Variants in ANKS6 observed in about 807,000 individuals in gnomAD.
ANKS6 encodes the protein ankyrin repeat and sterile alpha motif domain containing 6.
Under a neutral mutation model 77.9 loss-of-function variants are expected in ANKS6, and 47 were observed. The observed-to-expected ratio is 0.60, with a 90% CI of 0.48 to 0.77. The LOEUF (loss-of-function observed/expected upper bound fraction) is 0.77. Among genes scored for constraint, ANKS6 ranks in the 30% least tolerant of loss-of-function variants. The pLI is 0.00. For missense variants in ANKS6, 1,150 were observed against 1,159.1 expected, an observed-to-expected ratio of 0.99 and a Z score of 0.11; for synonymous variants, 488 against 501.7, an observed-to-expected ratio of 0.97 and a Z score of 0.37.
chr9:98,733,787 C>A lies in ANKS6; in HGVS notation c.*2732G>T. ...TAGCTCGCTTTAGTGTCTGCCAAAC[C>A]TACTCAACCAGGGAACCTCACCCCA... On this transcript the variant is annotated 3_prime_UTR_variant, in exon 15 of 15. Transcript: ENST00000353234. 4 of 985,434 alleles carry A rather than the reference C, an allele frequency of 4.1e-6. No individual in the cohort carries two copies. Among genetic ancestry groups the A allele is most frequent in the African/African-American group, 3.5e-5 (2 of 57,328 alleles). The allele number at this position is 985,434 out of a possible 1,614,324, so 61.0% of individuals were successfully genotyped here.
intron 11 of ANKS6, among the ~76,000 whole-genome samples, chr9:98,757,163 T>C (rs1832758487): frequency 6.6e-6 from 1 of 152,250 alleles, no homozygotes; most frequent in Non-Finnish European, 1.5e-5. Flanking sequence ...CACAGCTTCC[T>C]GATATTAATA....
intron 1 of ANKS6, among the ~76,000 whole-genome samples, chr9:98,794,475 C>A (rs1835071629): frequency 6.6e-6 from 1 of 152,196 alleles, no homozygotes; most frequent in South Asian, 2.1e-4. Context: ...ATATACTACT[C>A]CTCAACTTGA....
At position 98,790,531 on chromosome 9, in the gene ANKS6, G is replaced by A; in HGVS notation, c.435C>T (p.Ala145=). 6.2e-7 allele frequency: 1 copy of A among 1,613,462 alleles called. No homozygotes were observed. The part of the protein sequence containing the change: ...ADVNAQNRLG[A]SVLTVASRGG... ...CCCGAGAAGCCACAGTGAGCACACT[G>A]GCCCCCAGCCGGTTCTGGGCATTGA... is the stretch of plus-strand genomic sequence containing the variant. Residue 145 remains alanine, a synonymous_variant, in exon 2 of 15, where the codon GCC becomes GCT. Transcript: ENST00000353234.
intron 11 of ANKS6, among the ~76,000 whole-genome samples, chr9:98,760,096 T>G (rs1348165795): frequency 6.6e-6 from 1 of 152,156 alleles, no homozygotes; most frequent in Non-Finnish European, 1.5e-5. Context: ...CCTAAATATG[T>G]ACAATTATTA....
Position 98,735,650 on chromosome 9 carries a change from A to T in ANKS6, c.*869T>A, listed in dbSNP as rs1474888209. 4.1e-6 allele frequency: 5 copies of T among 1,231,652 alleles called. No individual in the cohort carries two copies. In the African/African-American group the frequency reaches 7.8e-5, roughly 19 times the overall value. The allele number at this position is 1,231,652 out of a possible 1,614,324, so 76.3% of individuals were successfully genotyped here. A position where few individuals can be genotyped will look rare whatever the true frequency, so the allele number is the denominator to read the frequency against. ...AAGCCCTGCAGTGATACAGGTGAGC[A>T]CTGTGGAGTACCAGAGCATCATCTG... is the stretch of plus-strand genomic sequence containing the variant. On this transcript the variant is annotated 3_prime_UTR_variant, in exon 15 of 15. Coordinates refer to ENST00000353234, the MANE Select transcript of ANKS6 (RefSeq NM_173551.5).
At chr9:98,771,902 AGT>A (rs1221067432) in intron 9 of ANKS6, among the ~76,000 whole-genome samples, 15 of 152,002 alleles carry the variant, frequency 9.9e-5, no homozygotes, top group Admixed American at 9.8e-4. Context: ...ATGGCTTGTG[AGT>A]GTACATTTAC....
intron 8 of ANKS6, among the ~76,000 whole-genome samples, chr9:98,777,065 C>T (rs1032211232): frequency 5.9e-5 from 9 of 152,232 alleles, no homozygotes; most frequent in Non-Finnish European, 1.3e-4. Context: ...ACATAGCCTC[C>T]TCTTTGACTC....
At chr9:98,781,516 T>A (rs533343225) in intron 5 of ANKS6, among the ~76,000 whole-genome samples, 1 of 152,206 alleles carries the variant, frequency 6.6e-6, no homozygotes, top group Non-Finnish European at 1.5e-5. Flanking sequence ...TCCAACCCTC[T>A]GGCTGGGACA....
intron 13 of ANKS6, chr9:98,746,200 G>A (rs78497728): frequency 6.5e-6 from 1 of 153,368 alleles, no homozygotes; most frequent in African/African-American, 2.4e-5. Context: ...GCAAGCCTTG[G>A]TTTCTATGGG....
In ANKS6 at chr9:98,783,936, G is replaced by T; in HGVS notation, c.1112+17C>A. ...TCTGTCTGGCCTTGTCGCTGAGGGC[G>T]TGGGGCTGGCACTGACCCATGGTAG... On this transcript the variant is annotated intron_variant, in intron 4 of 14. Transcript: ENST00000353234. 3 of 1,542,378 alleles carry T rather than the reference G, an allele frequency of 1.9e-6. No homozygotes were observed. The highest frequency in any genetic ancestry group is 2.4e-5 in the South Asian group (2 of 82,330).
intron 12 of ANKS6, among the ~76,000 whole-genome samples, chr9:98,755,249 G>A (rs1284344421): frequency 6.6e-6 from 1 of 152,076 alleles, no homozygotes. Flanking sequence ...CAGCTGCAGC[G>A]AACTGCCCGC....
chr9:98,737,460 C>T (rs1831561797), intron 14 of ANKS6, among the ~76,000 whole-genome samples: 1 of 151,912 alleles, frequency 6.6e-6, no homozygotes, highest in Non-Finnish European at 1.5e-5. Flanking sequence ...GAATCAAGAA[C>T]TCAACCACTT....
chr9:98,736,795 G>A (rs949582083), intron 14 of ANKS6, among the ~76,000 whole-genome samples, 172 bp from the exon 15 acceptor site: 5 of 152,160 alleles, frequency 3.3e-5, no homozygotes, highest in Non-Finnish European at 7.3e-5. Flanking sequence ...AACATACTGA[G>A]TCAGAATCTC....
chr9:98,796,066 G>A, intron 1 of ANKS6, 67 bp downstream of exon 1: 18 of 1,258,052 alleles, frequency 1.4e-5, no homozygotes, highest in Non-Finnish European at 1.7e-5. Context: ...CCGGCCGCCG[G>A]GGACCGCGTC....
intron 1 of ANKS6, 108 bp from the exon 2 acceptor site, chr9:98,790,714 AAG>A: frequency 7.0e-7 from 1 of 1,423,678 alleles, no homozygotes; most frequent in Non-Finnish European, 9.5e-7. Context: ...TGCTCATGAT[AAG>A]AGGTCTTATT....
At chr9:98,766,619 TA>T (rs921135121) in intron 11 of ANKS6, among the ~76,000 whole-genome samples, 5 of 152,136 alleles carry the variant, frequency 3.3e-5, no homozygotes, top group South Asian at 2.1e-4. Flanking sequence ...ATTTTGAAGA[TA>T]AAAAAATGGA....
At position 98,796,130 on chromosome 9, in the gene ANKS6, C is replaced by T; in HGVS notation, c.359+3G>A. ...CCCGGGCCCCCGGGCCCCGCCGCCTCACCTGGCCGCCTGCATGAGCGCGCT... is the reference window on the plus strand; with the variant it reads ...CCCGGGCCCCCGGGCCCCGCCGCCTTACCTGGCCGCCTGCATGAGCGCGCT... On this transcript the variant is annotated splice_donor_region_variant and intron_variant, in intron 1 of 14. Transcript: ENST00000353234. The T allele has an allele frequency of 7.3e-7, 1 of 1,366,278 alleles. No homozygotes were observed. The highest frequency in any genetic ancestry group is 9.4e-7 in the Non-Finnish European group (1 of 1,059,294). The allele number at this position is 1,366,278 out of a possible 1,614,324, so 84.6% of individuals were successfully genotyped here.
intron 13 of ANKS6, among the ~76,000 whole-genome samples, chr9:98,749,788 A>ACG (rs1303560800): frequency 6.6e-6 from 1 of 152,198 alleles, no homozygotes; most frequent in Admixed American, 6.5e-5. Context: ...GAGGAAAGCT[A>ACG]CGCGCCCTAT....
chr9:98,773,479 T>G (rs1306662710), intron 9 of ANKS6, among the ~76,000 whole-genome samples: 1 of 152,176 alleles, frequency 6.6e-6, no homozygotes, highest in East Asian at 1.9e-4. Context: ...AAAACACCAG[T>G]AGCACACAGA....
Sources: gnomAD v4.1 joint callset for allele counts (sites outside exome capture counted in the v4.1 genomes callset) on GRCh38, gnomAD v4.1.1 for gene constraint, MANE v1.5 for transcripts, NCBI Gene and HGNC (gene_info 2026-07-23, HGNC 2026-07-21) for gene names.